The following KCNIP4 variants were observed in gnomAD, a reference collection of about 807,000 sequenced individuals.
The protein encoded by KCNIP4 is potassium voltage-gated channel interacting protein 4.
In KCNIP4, 12 loss-of-function variants were observed where a neutral mutation model predicts 34.0. The ratio of observed to expected loss-of-function variants is 0.35; its 90% confidence interval spans 0.23 to 0.57. The LOEUF is 0.57. KCNIP4 is among the 20% of genes least tolerant of loss of function. The pLI is 0.83. For missense variants in KCNIP4, 238 were observed against 311.7 expected, an observed-to-expected ratio of 0.76 and a Z score of 1.78; for synonymous variants, 124 against 102.2, an observed-to-expected ratio of 1.21 and a Z score of -1.29.
intron 1 of KCNIP4, among the ~76,000 whole-genome samples, chr4:21,054,314 T>A (rs1743206652): frequency 6.6e-6 from 1 of 151,364 alleles, no homozygotes; most frequent in Non-Finnish European, 1.5e-5. Flanking sequence ...AGGTCAGGAG[T>A]TCGAGATCAG....
chr4:21,217,856 G>A (rs891133422), intron 1 of KCNIP4, among the ~76,000 whole-genome samples: 4 of 152,026 alleles, frequency 2.6e-5, no homozygotes, highest in Admixed American at 6.6e-5. Flanking sequence ...GTGTGACTTA[G>A]TATAGCCCAT....
chr4:21,777,418 C>T (rs917045393), intron 1 of KCNIP4, among the ~76,000 whole-genome samples: 1 of 152,216 alleles, frequency 6.6e-6, no homozygotes, highest in Admixed American at 6.5e-5. Flanking sequence ...ATCACTAAAG[C>T]ACCTTCATAT....
At position 20,755,036 on chromosome 4, in the gene KCNIP4, C is replaced by T. The variant is rs114409046; in HGVS notation, c.358+3785G>A. ...TAATTAATTCCCCAAATTAATCTCT[C>T]ATTAATGCAGACAGTGAACTCATTA... On this transcript the variant is annotated intron_variant, in intron 4 of 8. Coordinates refer to ENST00000382152, the MANE Select transcript of KCNIP4 (RefSeq NM_025221.6). Among the ~76,000 whole-genome samples, 370 of 152,194 alleles carry T rather than the reference C, an allele frequency of 2.4e-3. 1 individual carries two copies. Among genetic ancestry groups the T allele is most frequent in the African/African-American group, 8.4e-3 (348 of 41,524 alleles).
In KCNIP4 at chr4:21,205,473, G is replaced by A. The variant is rs148990723; in HGVS notation, c.62-322764C>T. Among the ~76,000 whole-genome samples the A allele has an allele frequency of 3.6e-3, 544 of 152,272 alleles. 4 individuals are homozygous for A. The highest frequency in any genetic ancestry group is 0.02 in the South Asian group (98 of 4,816). On this transcript the variant is annotated intron_variant, in intron 1 of 8. Transcript: ENST00000382152. ...GATCCCATTTATCTTTCACAACTGT[G>A]TAAGCCAGGCACTGTGACTAGACCC...
chr4:20,732,378 C>T (rs560965763), intron 7 of KCNIP4, among the ~76,000 whole-genome samples: 1 of 152,264 alleles, frequency 6.6e-6, no homozygotes, highest in South Asian at 2.1e-4. Context: ...CTTTTTGTCT[C>T]ATCTGTAAAA....
intron 1 of KCNIP4, among the ~76,000 whole-genome samples, chr4:21,542,802 T>C (rs1298896502): frequency 6.6e-6 from 1 of 151,410 alleles, no homozygotes; most frequent in Non-Finnish European, 1.5e-5. Flanking sequence ...GGATTCAGAA[T>C]AGTGAATCTA....
chr4:21,742,585 T>C (rs932521308), intron 1 of KCNIP4, among the ~76,000 whole-genome samples: 2 of 152,180 alleles, frequency 1.3e-5, no homozygotes, highest in African/African-American at 4.8e-5. Context: ...AAAGATGGAG[T>C]TACTAAAACA....
intron 1 of KCNIP4, among the ~76,000 whole-genome samples, chr4:21,508,816 T>C (rs1466994487): frequency 6.6e-6 from 1 of 152,206 alleles, no homozygotes; most frequent in East Asian, 1.9e-4. Context: ...TGCATTGTTG[T>C]GAGCTGATCA....
intron 6 of KCNIP4, among the ~76,000 whole-genome samples, 161 bp from the exon 7 acceptor site, chr4:20,732,946 A>C (rs1327595682): frequency 6.6e-6 from 1 of 152,208 alleles, no homozygotes; most frequent in African/African-American, 2.4e-5. Flanking sequence ...AAAAGGCAAC[A>C]AACAGCTTTC....
chr4:21,479,712 G>GA (rs200923312), intron 1 of KCNIP4, among the ~76,000 whole-genome samples: 14 of 151,156 alleles, frequency 9.3e-5, no homozygotes, highest in African/African-American at 2.4e-4. Context: ...GTATTCTTAG[G>GA]AAAAAAAACA....
intron 1 of KCNIP4, among the ~76,000 whole-genome samples, chr4:21,574,694 C>T (rs1265928864): frequency 6.6e-6 from 1 of 152,098 alleles, no homozygotes; most frequent in African/African-American, 2.4e-5. Flanking sequence ...ACTTGAAGAG[C>T]TGGATAATAT....
chr4:20,753,774 T>C (rs1167909860), intron 4 of KCNIP4, among the ~76,000 whole-genome samples: 2 of 152,218 alleles, frequency 1.3e-5, no homozygotes, highest in Admixed American at 6.5e-5. Flanking sequence ...AGAAGGATAC[T>C]CAGTGGGTGA....
intron 1 of KCNIP4, among the ~76,000 whole-genome samples, chr4:21,549,418 C>A (rs991066329): frequency 4.6e-5 from 7 of 151,840 alleles, no homozygotes; most frequent in Admixed American, 1.3e-4. Context: ...TGAGTGAATT[C>A]TCACTCTATT....
At position 20,824,791 on chromosome 4, in the gene KCNIP4, G is replaced by A. The variant is rs566267253; in HGVS notation, c.288+25752C>T. 8.6e-5 allele frequency among the ~76,000 whole-genome samples: 13 copies of A among 150,850 alleles called. No individual in the cohort carries two copies. The East Asian group carries it at 2.3e-3, about 27-fold the overall frequency. ...TGTTTCAGAATAGGTAACATTAAAG[G>A]ATTGTCCCATGTAACTGGATTCTCA... On this transcript the variant is annotated intron_variant, in intron 3 of 8. Transcript: ENST00000382152.
At chr4:21,204,074 C>T (rs976654242) in intron 1 of KCNIP4, among the ~76,000 whole-genome samples, 2 of 152,118 alleles carry the variant, frequency 1.3e-5, no homozygotes, top group Non-Finnish European at 2.9e-5. Context: ...TGGAATGTGC[C>T]CCAGTCGGTA....
At chr4:20,875,619 C>T (rs1315081086) in intron 2 of KCNIP4, among the ~76,000 whole-genome samples, 2 of 152,134 alleles carry the variant, frequency 1.3e-5, no homozygotes, top group Non-Finnish European at 2.9e-5. Context: ...GGTTATGCCT[C>T]TGTTCTTCCA....
intron 1 of KCNIP4, among the ~76,000 whole-genome samples, chr4:21,308,251 G>A (rs917758482): frequency 6.6e-6 from 1 of 152,138 alleles, no homozygotes; most frequent in African/African-American, 2.4e-5. Flanking sequence ...GCTTTGGTTT[G>A]CTGGTCTTCA....
intron 1 of KCNIP4, among the ~76,000 whole-genome samples, chr4:21,294,760 G>T (rs910257514): frequency 6.6e-6 from 1 of 152,114 alleles, no homozygotes; most frequent in Non-Finnish European, 1.5e-5. Flanking sequence ...GAGGAAGCTG[G>T]ACTACACTTT....
At chr4:21,340,176 T>G (rs1222154160) in intron 1 of KCNIP4, among the ~76,000 whole-genome samples, 1 of 152,126 alleles carries the variant, frequency 6.6e-6, no homozygotes, top group Admixed American at 6.5e-5. Flanking sequence ...GAAAAAAATT[T>G]GGGGTCCATG....
Sources: allele counts gnomAD v4.1 joint callset (sites outside exome capture counted in the v4.1 genomes callset), GRCh38; gene constraint gnomAD v4.1.1; transcripts MANE v1.5; gene names NCBI Gene and HGNC (gene_info 2026-07-23, HGNC 2026-07-21).